Variants in OTOG observed in about 807,000 individuals in gnomAD.
The protein encoded by OTOG is otogelin.
Under a neutral mutation model 313.8 loss-of-function variants are expected in OTOG, and 296 were observed. The observed-to-expected ratio is 0.94, with a 90% CI of 0.86 to 1.04. The LOEUF (loss-of-function observed/expected upper bound fraction) is 1.04. Ranked by LOEUF, OTOG falls within the 50% of genes least tolerant of loss-of-function variation. The pLI is 0.00. For missense variants in OTOG, 3,948 were observed against 3,840.1 expected (o/e 1.03, Z -0.74); for synonymous variants, 1,533 against 1,554.9 (o/e 0.99, Z 0.33).
chr11:17,557,051 T>C, intron 7 of OTOG, 67 bp from the exon 8 acceptor site: 1 of 1,475,262 alleles, frequency 6.8e-7, no homozygotes, highest in Non-Finnish European at 9.2e-7. Context: ...TGGCTGTTCC[T>C]TCGGTGAAGA....
rs1474069594 is a variant in OTOG at position 17,635,160 on chromosome 11, G to A, written c.7666G>A (p.Asp2556Asn). Residue 2556 changes from aspartate to asparagine, a missense_variant, in exon 46 of 56, where the codon GAC becomes AAC. Transcript: ENST00000399397. ...DQILITGRLG[D>N]SCCTSYFCAC... Reference sequence around the variant, plus strand: ...GATCCTGATCACGGGCCGCCTGGGGGACTCCTGCTGCACCTCCTACTTCTG... The same window carrying A: ...GATCCTGATCACGGGCCGCCTGGGGAACTCCTGCTGCACCTCCTACTTCTG... The A allele has an allele frequency of 5.8e-6, 9 of 1,547,410 alleles. No individual in the cohort carries two copies. The highest frequency in any genetic ancestry group is 5.5e-5 in the African/African-American group (4 of 72,998).
At chr11:17,635,861 T>G in intron 47 of OTOG, 150 bp downstream of exon 47, 1 of 670,066 alleles carries the variant, frequency 1.5e-6, no homozygotes, top group East Asian at 2.8e-5. Flanking sequence ...CCAGGACGAG[T>G]GCAGGCCCAC....
chr11:17,550,561 A>G (rs928784440), intron 3 of OTOG, among the ~76,000 whole-genome samples: 7 of 152,254 alleles, frequency 4.6e-5, no homozygotes, highest in African/African-American at 1.4e-4. Context: ...GACTCTTTGC[A>G]TCACAGGTTG....
rs901379085 is a variant in OTOG at position 17,599,692 on chromosome 11, AC to A, written c.3705del (p.Asn1235LysfsTer4). The A allele has an allele frequency of 6.4e-7, 1 of 1,550,526 alleles. No homozygotes were observed. The highest frequency in any genetic ancestry group is 1.4e-5 in the African/African-American group (1 of 73,040). On this transcript the variant is annotated frameshift_variant, in exon 31 of 56. Coordinates refer to ENST00000399397, the MANE Select transcript of OTOG (RefSeq NM_001292063.2). LOFTEE classifies it high-confidence loss of function. ...RLCPYDCDFF[N>X]KVLGKGPYQL... ...TCAGCGTATGACTGTGACTTCTTTAACAAAGGTAAGCCCCTCCTCCCCACGC... is the reference window on the plus strand; with the variant it reads ...TCAGCGTATGACTGTGACTTCTTTAAAAAGGTAAGCCCCTCCTCCCCACGC...
chr11:17,586,622 A>AG, intron 24 of OTOG, 41 bp downstream of exon 24: 2 of 1,131,504 alleles, frequency 1.8e-6, no homozygotes, highest in Non-Finnish European at 2.4e-6. Flanking sequence ...TTTTGCTGGG[A>AG]GGGGGCATGG....
Position 17,605,850 on chromosome 11 carries a change from T to C in OTOG, c.3878-7T>C. On this transcript the variant is annotated splice_polypyrimidine_tract_variant and splice_region_variant and intron_variant, in intron 32 of 55. Transcript: ENST00000399397. Reference sequence around the variant, plus strand: ...TGTACTGACTCTCCCCATGTGGTTCTCTGCAGACCCAGATGTGGTGTCCCT... The same window carrying C: ...TGTACTGACTCTCCCCATGTGGTTCCCTGCAGACCCAGATGTGGTGTCCCT... The C allele has an allele frequency of 6.5e-7, 1 of 1,532,204 alleles. No homozygotes were observed. Among genetic ancestry groups the C allele is most frequent in the Non-Finnish European group, 8.8e-7 (1 of 1,135,300 alleles). 94.9% of individuals were successfully genotyped at this position (1,532,204 alleles called of 1,614,324 possible). A position where few individuals can be genotyped will look rare whatever the true frequency, so the allele number is the denominator to read the frequency against.
chr11:17,638,988 C>T (rs907107953), intron 48 of OTOG: 1 of 371,300 alleles, frequency 2.7e-6, no homozygotes, highest in South Asian at 2.2e-5. Flanking sequence ...AGAGGGTGGA[C>T]GTTGCAGTGA....
In OTOG at chr11:17,642,023, G is replaced by T. The variant is rs1847986321; in HGVS notation, c.8295+72G>T. 2.6e-6 allele frequency: 4 copies of T among 1,527,488 alleles called. No homozygotes were observed. In the East Asian group the frequency reaches 7.4e-5, roughly 28 times the overall value. 94.6% of individuals were successfully genotyped at this position (1,527,488 alleles called of 1,614,324 possible). A position where few individuals can be genotyped will look rare whatever the true frequency, so the allele number is the denominator to read the frequency against. On this transcript the variant is annotated intron_variant, in intron 52 of 55. Coordinates refer to ENST00000399397, the MANE Select transcript of OTOG (RefSeq NM_001292063.2). ...GACACCAGGACTAGGGCCCTCTCTG[G>T]CTTGCAGGCCAGGGCTGGGTACAAA...
intron 18 of OTOG, among the ~76,000 whole-genome samples, chr11:17,572,547 T>A (rs4562808): frequency 0.43 from 64,626 of 151,936 alleles, 14,155 homozygotes; most frequent in African/African-American, 0.47. Flanking sequence ...CTGCCCCAGC[T>A]GCCCTGGCCT....
In OTOG at chr11:17,628,601, G is replaced by C. The variant is rs113489423; in HGVS notation, c.6529-532G>C. Among the ~76,000 whole-genome samples the C allele has an allele frequency of 2.5e-3, 374 of 152,296 alleles. 1 individual carries two copies. The highest frequency in any genetic ancestry group is 8.4e-3 in the African/African-American group (349 of 41,564). On this transcript the variant is annotated intron_variant, in intron 39 of 55. Coordinates refer to ENST00000399397, the MANE Select transcript of OTOG (RefSeq NM_001292063.2). ...CAAAGGCAGGTGTTGGGGATTCAAA[G>C]GTAAATCAGGCATAGTATCTGCCCT... is the stretch of plus-strand genomic sequence containing the variant.
chr11:17,645,493 G>A (rs1353969565), intron 54 of OTOG, 71 bp from the exon 55 acceptor site: 6 of 1,430,496 alleles, frequency 4.2e-6, no homozygotes, highest in Non-Finnish European at 5.7e-6. Context: ...AACTGCCCTG[G>A]GCTGGCCCAT....
At chr11:17,589,791 C>T (rs991691334) in intron 24 of OTOG, among the ~76,000 whole-genome samples, 11 of 152,184 alleles carry the variant, frequency 7.2e-5, no homozygotes, top group Non-Finnish European at 1.5e-5. Flanking sequence ...ACTATTCCTA[C>T]TAAGGTCACC....
Position 17,613,629 on chromosome 11 carries a change from C to G in OTOG, c.6456C>G (p.Pro2152=). Residue 2152 remains proline, a synonymous_variant, in exon 39 of 56, where the codon CCC becomes CCG. Coordinates refer to ENST00000399397, the MANE Select transcript of OTOG (RefSeq NM_001292063.2). ...CTCTGCAGGGGCACCTGAACTGGCC[C>G]CCGTTCTGTCTGGTGATGTTGAACA... ...KSANLGHLNW[P]PFCLVMLNMT... is the part of the protein sequence containing the mutation. 1 of 1,550,640 alleles carries G rather than the reference C, an allele frequency of 6.4e-7. No individual in the cohort carries two copies. The highest frequency in any genetic ancestry group is 1.2e-5 in the South Asian group (1 of 84,044).
chr11:17,609,070 A>G (rs1247560342), intron 34 of OTOG, 60 bp from the exon 35 acceptor site: 1 of 1,367,488 alleles, frequency 7.3e-7, no homozygotes, highest in African/African-American at 1.4e-5. Context: ...CAATCGAGAG[A>G]AAAAGAGATG....
In OTOG at chr11:17,643,480, C is replaced by T. The variant is rs1339536540; in HGVS notation, c.8435C>T (p.Pro2812Leu). ...ECAKVGGSVVPSLEGCCRTCK... is the reference protein window; with the variant it reads ...ECAKVGGSVVLSLEGCCRTCK... ...CTCTAGGTTGGGGGTTCCGTGGTACCTTCCTTGGAAGGATGCTGCAGGACC... is the reference window on the plus strand; with the variant it reads ...CTCTAGGTTGGGGGTTCCGTGGTACTTTCCTTGGAAGGATGCTGCAGGACC... Residue 2812 changes from proline to leucine, a missense_variant, in exon 54 of 56, where the codon CCT becomes CTT. By Grantham distance (98) the Pro-to-Leu change is moderately conservative. Transcript: ENST00000399397. 17 of 1,458,638 alleles carry T rather than the reference C, an allele frequency of 1.2e-5. No homozygotes were observed. Among genetic ancestry groups the T allele is most frequent in the Non-Finnish European group, 1.3e-5 (14 of 1,099,064 alleles). The allele number at this position is 1,458,638 out of a possible 1,614,324, so 90.4% of individuals were successfully genotyped here.
intron 22 of OTOG, 190 bp from the exon 23 acceptor site, chr11:17,578,183 T>A (rs1388247747): frequency 2.3e-6 from 3 of 1,295,944 alleles, no homozygotes; most frequent in Non-Finnish European, 3.0e-6. Context: ...TCTTATTGTG[T>A]GACAGACAGC....
intron 6 of OTOG, among the ~76,000 whole-genome samples, chr11:17,554,704 A>G (rs1002236696): frequency 5.3e-5 from 8 of 152,228 alleles, no homozygotes; most frequent in African/African-American, 1.9e-4. Context: ...ACTGCAACCA[A>G]TTTTCCTCTC....
chr11:17,599,659 T>C lies in OTOG; in HGVS notation c.3683-12T>C. ...GCTGGCTCTCAGGAAGTTCCTGTTCTCTCTCTTTCAGCGTATGACTGTGAC... is the reference window on the plus strand; with the variant it reads ...GCTGGCTCTCAGGAAGTTCCTGTTCCCTCTCTTTCAGCGTATGACTGTGAC... On this transcript the variant is annotated splice_polypyrimidine_tract_variant and intron_variant, in intron 30 of 55. Transcript: ENST00000399397. 6.4e-7 allele frequency: 1 copy of C among 1,550,662 alleles called. No individual in the cohort carries two copies. Among genetic ancestry groups the C allele is most frequent in the Non-Finnish European group, 8.7e-7 (1 of 1,146,996 alleles).
chr11:17,558,710 C>T (rs1174887935), intron 10 of OTOG, 66 bp downstream of exon 10: 19 of 1,440,516 alleles, frequency 1.3e-5, no homozygotes, highest in Non-Finnish European at 1.5e-5. Context: ...AGCACACGGG[C>T]CATCAAACTG....
Sources: gnomAD v4.1 joint callset for allele counts (sites outside exome capture counted in the v4.1 genomes callset) on GRCh38, gnomAD v4.1.1 for gene constraint, MANE v1.5 for transcripts, NCBI Gene and HGNC (gene_info 2026-07-23, HGNC 2026-07-21) for gene names.